Variants in ZDHHC2 observed in about 807,000 individuals in gnomAD.
ZDHHC2 encodes palmitoyltransferase ZDHHC2.
A neutral mutation model predicts 55.6 loss-of-function variants in ZDHHC2; 51 were observed. The observed-to-expected ratio is 0.92, with a 90% CI of 0.73 to 1.16. The LOEUF (loss-of-function observed/expected upper bound fraction) is 1.16. Ranked by LOEUF, ZDHHC2 falls within the 50% of genes most tolerant of loss-of-function variation. The pLI is 0.00. For synonymous variants in ZDHHC2, 199 were observed against 152.9 expected (o/e 1.30, Z -2.22); for missense variants, 491 against 442.4 (o/e 1.11, Z -0.99).
chr8:17,178,279 G>A (rs1367673351), intron 1 of ZDHHC2, among the ~76,000 whole-genome samples: 2 of 152,104 alleles, frequency 1.3e-5, no homozygotes, highest in African/African-American at 2.4e-5. Context: ...AAAAATGTAC[G>A]AGTGGAATAA....
chr8:17,213,347 A>G (rs1210484035), intron 10 of ZDHHC2, among the ~76,000 whole-genome samples: 4 of 151,158 alleles, frequency 2.6e-5, no homozygotes, highest in African/African-American at 9.7e-5. Flanking sequence ...TCTGTCTCCC[A>G]GGTTAAAGCA....
chr8:17,210,952 G>A (rs945724279), intron 10 of ZDHHC2, among the ~76,000 whole-genome samples: 12 of 152,076 alleles, frequency 7.9e-5, no homozygotes, highest in African/African-American at 2.9e-4. Flanking sequence ...TATGGACTTA[G>A]TGCCCTTGGA....
chr8:17,191,562 C>G (rs894966457), intron 3 of ZDHHC2, among the ~76,000 whole-genome samples: 2 of 152,192 alleles, frequency 1.3e-5, no homozygotes, highest in Non-Finnish European at 2.9e-5. Context: ...TGAGAGCATG[C>G]AAAGTTTGTC....
chr8:17,200,765 C>A (rs1404537110), intron 6 of ZDHHC2, among the ~76,000 whole-genome samples: 1 of 152,168 alleles, frequency 6.6e-6, no homozygotes, highest in African/African-American at 2.4e-5. Flanking sequence ...AGAAATGAGA[C>A]CCTAGAATTT....
intron 3 of ZDHHC2, among the ~76,000 whole-genome samples, chr8:17,192,193 C>G (rs946611748): frequency 1.3e-5 from 2 of 152,108 alleles, no homozygotes; most frequent in Non-Finnish European, 2.9e-5. Flanking sequence ...ACTATGTTGC[C>G]TAGGCTGGCC....
Position 17,220,780 on chromosome 8 carries a change from G to C in ZDHHC2, c.*559G>C, listed in dbSNP as rs1396375406. Reference sequence around the variant, plus strand: ...GTAATAATTATGAATTCATTACAGAGTCCAGGTGGCCTGCAGTTGAAGATC... The same window carrying C: ...GTAATAATTATGAATTCATTACAGACTCCAGGTGGCCTGCAGTTGAAGATC... On this transcript the variant is annotated 3_prime_UTR_variant, in exon 13 of 13. Transcript: ENST00000262096. 1 of 152,266 alleles carries C rather than the reference G, an allele frequency of 6.6e-6. No homozygotes were observed. The highest frequency in any genetic ancestry group is 1.9e-4 in the East Asian group (1 of 5,166). 9.4% of individuals were successfully genotyped at this position (152,266 alleles called of 1,614,324 possible).
intron 1 of ZDHHC2, among the ~76,000 whole-genome samples, chr8:17,157,107 G>T (rs916269096): frequency 9.2e-5 from 14 of 152,096 alleles, no homozygotes; most frequent in African/African-American, 3.4e-4. Context: ...GCCTCCCGCC[G>T]CCTTCCGCTC....
chr8:17,180,389 A>G (rs944060102), intron 1 of ZDHHC2, among the ~76,000 whole-genome samples: 2 of 152,100 alleles, frequency 1.3e-5, no homozygotes, highest in East Asian at 3.8e-4. Flanking sequence ...GATAATTCAG[A>G]TTTACATTAT....
intron 10 of ZDHHC2, among the ~76,000 whole-genome samples, chr8:17,213,976 G>T (rs919309270): frequency 1.3e-5 from 2 of 152,112 alleles, no homozygotes; most frequent in East Asian, 3.8e-4. Context: ...TAAAATTTTA[G>T]ATATGAGGTA....
At chr8:17,215,762 G>C (rs1807618882) in intron 11 of ZDHHC2, among the ~76,000 whole-genome samples, 1 of 152,186 alleles carries the variant, frequency 6.6e-6, no homozygotes, top group Non-Finnish European at 1.5e-5. Flanking sequence ...CAAAATGTCT[G>C]AGTAAAGTTA....
In ZDHHC2 at chr8:17,221,159, G is replaced by A. The variant is rs927094821; in HGVS notation, c.*938G>A. The A allele has an allele frequency of 1.7e-4, 26 of 152,192 alleles. No homozygotes were observed. The highest frequency in any genetic ancestry group is 4.8e-4 in the African/African-American group (20 of 41,390). 9.4% of individuals were successfully genotyped at this position (152,192 alleles called of 1,614,324 possible). A position where few individuals can be genotyped will look rare whatever the true frequency, so the allele number is the denominator to read the frequency against. ...GTGATATCTATATTATTTCTTTCTC[G>A]TCTCATCAAAATGATGACAGGTAAA... On this transcript the variant is annotated 3_prime_UTR_variant, in exon 13 of 13. Transcript: ENST00000262096.
chr8:17,167,032 C>T (rs532447581), intron 1 of ZDHHC2, among the ~76,000 whole-genome samples: 4 of 152,258 alleles, frequency 2.6e-5, no homozygotes, highest in African/African-American at 4.8e-5. Context: ...CAGAAAATTT[C>T]GTGAGCGGTA....
intron 10 of ZDHHC2, among the ~76,000 whole-genome samples, chr8:17,213,709 T>G (rs968364058): frequency 5.3e-5 from 8 of 152,214 alleles, no homozygotes; most frequent in African/African-American, 1.9e-4. Context: ...CATTGTTCAG[T>G]GAATGGATTC....
At chr8:17,191,958 C>G (rs1430656602) in intron 3 of ZDHHC2, among the ~76,000 whole-genome samples, 2 of 152,112 alleles carry the variant, frequency 1.3e-5, no homozygotes. Flanking sequence ...CACCATCTCA[C>G]CAGCATTTGT....
At position 17,220,935 on chromosome 8, in the gene ZDHHC2, A is replaced by T. The variant is rs941846583; in HGVS notation, c.*714A>T. ...TGTCAGAATACGGTACATTTCTATT[A>T]CATCAGAAATATATTTTCATCTCTT... is the stretch of plus-strand genomic sequence containing the variant. On this transcript the variant is annotated 3_prime_UTR_variant, in exon 13 of 13. Coordinates refer to ENST00000262096, the MANE Select transcript of ZDHHC2 (RefSeq NM_016353.5). 5 of 152,202 alleles carry T rather than the reference A, an allele frequency of 3.3e-5. No homozygotes were observed. The highest frequency in any genetic ancestry group is 1.2e-4 in the African/African-American group (5 of 41,462). 9.4% of individuals were successfully genotyped at this position (152,202 alleles called of 1,614,324 possible).
intron 1 of ZDHHC2, among the ~76,000 whole-genome samples, chr8:17,181,638 G>C (rs1479985582): frequency 6.6e-6 from 1 of 152,162 alleles, no homozygotes; most frequent in Non-Finnish European, 1.5e-5. Flanking sequence ...AATTCTGTCT[G>C]TGAAGTAAGA....
intron 12 of ZDHHC2, among the ~76,000 whole-genome samples, chr8:17,219,310 A>G (rs554917632): frequency 6.9e-6 from 1 of 144,364 alleles, no homozygotes; most frequent in Non-Finnish European, 1.5e-5. Context: ...TTTTTCTCCT[A>G]TTTTTGAACT....
rs200790944 is a variant in ZDHHC2 at position 17,217,448 on chromosome 8, T to C, written c.*34+202T>C. ...AGTATTAGCTGGTATTTGTGTTAAC[T>C]TGATTAATTATATAAATAAGTTGAT... On this transcript the variant is annotated intron_variant, in intron 12 of 12. Transcript: ENST00000262096. 7.9e-5 allele frequency among the ~76,000 whole-genome samples: 12 copies of C among 152,286 alleles called. No individual in the cohort carries two copies. In the East Asian group the frequency reaches 1.9e-3, roughly 24 times the overall value.
rs562075589 is a variant in ZDHHC2 at position 17,196,992 on chromosome 8, T to C, written c.374-590T>C. 3.3e-5 allele frequency among the ~76,000 whole-genome samples: 5 copies of C among 152,298 alleles called. No homozygotes were observed. In the South Asian group the frequency reaches 1.0e-3, roughly 32 times the overall value. ...ATCATAATTGAATCTTAACTATAAG[T>C]CTCACACATAATGTTTTCCTGGTTA... On this transcript the variant is annotated intron_variant, in intron 4 of 12. Transcript: ENST00000262096.
Sources: gnomAD v4.1 joint callset for allele counts (sites outside exome capture counted in the v4.1 genomes callset) on GRCh38, gnomAD v4.1.1 for gene constraint, MANE v1.5 for transcripts, NCBI Gene and HGNC (gene_info 2026-07-23, HGNC 2026-07-21) for gene names.